Variants in MGAM2 observed in about 807,000 individuals in gnomAD.
The protein encoded by MGAM2 is maltase-glucoamylase 2 (putative).
Under a neutral mutation model 96.1 loss-of-function variants are expected in MGAM2, and 98 were observed. That is an observed-to-expected ratio of 1.02 (90% confidence interval 0.87 to 1.21). The LOEUF (loss-of-function observed/expected upper bound fraction) is 1.21, where lower values mean the gene tolerates loss of function less well. Among genes scored for constraint, MGAM2 ranks in the 50% most tolerant of loss-of-function variants. MGAM2 has a pLI of 0.00. For synonymous variants in MGAM2, 749 were observed against 414.8 expected, an observed-to-expected ratio of 1.81 and a Z score of -9.79; for missense variants, 2,055 against 1,182.4, an observed-to-expected ratio of 1.74 and a Z score of -10.82.
chr7:142,191,125 A>G (rs1200956356), intron 37 of MGAM2, among the ~76,000 whole-genome samples: 2 of 92,900 alleles, frequency 2.2e-5, no homozygotes, highest in African/African-American at 1.1e-4. Context: ...AAGTAAGACT[A>G]TCTCTACAGA....
chr7:142,149,732 G>A (rs1376971094), intron 15 of MGAM2, among the ~76,000 whole-genome samples: 3 of 151,748 alleles, frequency 2.0e-5, no homozygotes, highest in Non-Finnish European at 2.9e-5. Flanking sequence ...TAGTAGAGAC[G>A]GGGTTTCACA....
intron 12 of MGAM2, 51 bp downstream of exon 12, chr7:142,141,170 A>G (rs531535528): frequency 6.0e-4 from 412 of 682,762 alleles, no homozygotes; most frequent in Non-Finnish European, 9.5e-4. Flanking sequence ...GGGGAGTTGT[A>G]CTTTTGGTAC....
chr7:142,205,976 G>A (rs142676667), intron 45 of MGAM2, among the ~76,000 whole-genome samples: 12 of 152,158 alleles, frequency 7.9e-5, no homozygotes, highest in Admixed American at 2.0e-4. Context: ...ATGGTGTGAG[G>A]CAGGGGTCTA....
intron 46 of MGAM2, among the ~76,000 whole-genome samples, chr7:142,216,336 A>G (rs975887973): frequency 2.0e-5 from 3 of 152,204 alleles, no homozygotes; most frequent in Admixed American, 6.5e-5. Flanking sequence ...TCGGAGAGAC[A>G]CTGTTTAATC....
chr7:142,180,748 A>T (rs935787750), intron 32 of MGAM2, among the ~76,000 whole-genome samples: 11 of 152,112 alleles, frequency 7.2e-5, no homozygotes, highest in African/African-American at 1.2e-4. Flanking sequence ...AATTATTTTT[A>T]AAAAATTTTT....
chr7:142,168,988 T>C (rs1796111773), intron 26 of MGAM2, among the ~76,000 whole-genome samples: 1 of 152,134 alleles, frequency 6.6e-6, no homozygotes, highest in African/African-American at 2.4e-5. Flanking sequence ...CATTTTAATG[T>C]ATCATGAATC....
In MGAM2 at chr7:142,190,084, ATT is replaced by A. The variant is rs142755984; in HGVS notation, c.4346+588_4346+589del. 3.7e-3 allele frequency among the ~76,000 whole-genome samples: 543 copies of A among 147,184 alleles called. 3 individuals carry two copies. The highest frequency in any genetic ancestry group is 0.013 in the African/African-American group (519 of 40,488). On this transcript the variant is annotated intron_variant, in intron 37 of 47. Transcript: ENST00000477922. The stretch of plus-strand genomic sequence containing the variant: ...ATGAGTGAACATCTAAATTGTTTCC[ATT>A]TTTTTTTTGGCTATTATGAGTAGTG...
intron 40 of MGAM2, among the ~76,000 whole-genome samples, chr7:142,197,041 T>C (rs1237869925): frequency 1.3e-5 from 2 of 152,190 alleles, no homozygotes; most frequent in African/African-American, 4.8e-5. Context: ...GGAAAGGTTT[T>C]TATAGTTCCA....
At position 142,199,903 on chromosome 7, in the gene MGAM2, T is replaced by C; in HGVS notation, c.5072T>C (p.Ile1691Thr). The change falls in exon 45 of 48, where the codon ATT (isoleucine) becomes ACT (threonine). Residue 1691 changes from isoleucine (I) to threonine (T), a missense_variant. Coordinates refer to ENST00000477922, the MANE Select transcript of MGAM2 (RefSeq NM_001293626.2). Reference protein sequence around the residue: ...HSSRQNFMGLIVALDDNGTAE... With the variant: ...HSSRQNFMGLTVALDDNGTAE... ...AGTCGACAAAATTTTATGGGATTGA[T>C]TGTTGCTTTGGATGACAATGGGACA... 1 of 692,514 alleles carries C rather than the reference T, an allele frequency of 1.4e-6. No homozygotes were observed. The highest frequency in any genetic ancestry group is 1.5e-5 in the South Asian group (1 of 65,554). The allele number at this position is 692,514 out of a possible 1,614,324, so 42.9% of individuals were successfully genotyped here. A position where few individuals can be genotyped will look rare whatever the true frequency, so the allele number is the denominator to read the frequency against.
intron 26 of MGAM2, 113 bp downstream of exon 26, chr7:142,167,599 A>G: frequency 3.1e-6 from 2 of 637,808 alleles, no homozygotes; most frequent in Non-Finnish European, 5.7e-6. Context: ...TCAAGACAGG[A>G]TCTCCCACTG....
chr7:142,212,250 A>T (rs1461771595), intron 46 of MGAM2, among the ~76,000 whole-genome samples: 3 of 152,230 alleles, frequency 2.0e-5, no homozygotes, highest in Non-Finnish European at 4.4e-5. Flanking sequence ...TGCAAAAATA[A>T]ACCAAAATGT....
At chr7:142,145,779 T>C (rs536126428) in intron 14 of MGAM2, among the ~76,000 whole-genome samples, 202 of 152,290 alleles carry the variant, frequency 1.3e-3, no homozygotes, top group African/African-American at 4.6e-3. Context: ...GAAGATTTTA[T>C]GCGCAGGCCT....
intron 14 of MGAM2, among the ~76,000 whole-genome samples, chr7:142,146,734 T>A (rs576256234): frequency 6.1e-4 from 93 of 151,352 alleles, no homozygotes; most frequent in African/African-American, 2.1e-3. Flanking sequence ...ACATCTTATT[T>A]TTTTTTTTTT....
intron 46 of MGAM2, among the ~76,000 whole-genome samples, chr7:142,210,876 C>T (rs1312381179): frequency 6.6e-6 from 1 of 152,228 alleles, no homozygotes; most frequent in African/African-American, 2.4e-5. Flanking sequence ...GTCCCTGACC[C>T]CCGTGCCTCC....
intron 46 of MGAM2, among the ~76,000 whole-genome samples, chr7:142,210,447 A>G (rs967757871): frequency 6.6e-6 from 1 of 151,948 alleles, no homozygotes; most frequent in Non-Finnish European, 1.5e-5. Context: ...GGCTTGAAAT[A>G]CTCGCCGCCA....
chr7:142,137,809 G>A (rs866152476), intron 9 of MGAM2, among the ~76,000 whole-genome samples: 1 of 152,170 alleles, frequency 6.6e-6, no homozygotes, highest in Non-Finnish European at 1.5e-5. Flanking sequence ...GTCCATTCAT[G>A]TATCCCACAA....
At chr7:142,158,834 G>A (rs1795811922) in intron 19 of MGAM2, among the ~76,000 whole-genome samples, 1 of 152,176 alleles carries the variant, frequency 6.6e-6, no homozygotes, top group Non-Finnish European at 1.5e-5. Context: ...CAAAGTGTGG[G>A]ACAAGGATCA....
In MGAM2 at chr7:142,208,499, G is replaced by T; in HGVS notation, c.5138-74G>T. ...TGACCCCATTGAGAGTGTGGTTTCT[G>T]ACCACGCTCAAGATTATTTGCTGCA... On this transcript the variant is annotated intron_variant, in intron 45 of 47. Transcript: ENST00000477922. 5.8e-6 allele frequency: 4 copies of T among 692,904 alleles called. No individual in the cohort carries two copies. In the South Asian group the frequency reaches 6.1e-5, roughly 11 times the overall value. The allele number at this position is 692,904 out of a possible 1,614,324, so 42.9% of individuals were successfully genotyped here.
chr7:142,153,800 A>G (rs1795652759), intron 15 of MGAM2, among the ~76,000 whole-genome samples: 1 of 152,250 alleles, frequency 6.6e-6, no homozygotes, highest in Non-Finnish European at 1.5e-5. Context: ...TATGGGGGCT[A>G]GAATATAGAG....
Sources: allele counts gnomAD v4.1 joint callset (sites outside exome capture counted in the v4.1 genomes callset), GRCh38; gene constraint gnomAD v4.1.1; transcripts MANE v1.5; gene names NCBI Gene and HGNC (gene_info 2026-07-23, HGNC 2026-07-21).